The following NEXMIF variants were observed in gnomAD, a reference collection of about 807,000 sequenced individuals.
NEXMIF encodes XLMR protein related to neurite extension.
In NEXMIF, 8 loss-of-function variants were observed where a neutral mutation model predicts 62.1. The ratio of observed to expected loss-of-function variants is 0.13; its 90% CI spans 0.08 to 0.23. The LOEUF (loss-of-function observed/expected upper bound fraction) is 0.23. NEXMIF is among the 10% of genes least tolerant of loss of function. NEXMIF has a pLI of 1.00. For missense variants in NEXMIF, 976 were observed against 1,113.3 expected, an observed-to-expected ratio of 0.88 and a Z score of 1.75; for synonymous variants, 404 against 416.6, an observed-to-expected ratio of 0.97 and a Z score of 0.37.
chrX:74,855,540 C>G (rs1345046785), intron 1 of NEXMIF, among the ~76,000 whole-genome samples: 7 of 111,843 alleles, frequency 6.3e-5, no homozygotes, highest in African/African-American at 2.3e-4. Context: ...GAAAAACTCA[C>G]ATATTCCTGG....
chrX:74,823,082 A>C (rs2080402732), intron 1 of NEXMIF, among the ~76,000 whole-genome samples: 2 of 112,379 alleles, frequency 1.8e-5, no homozygotes, highest in Non-Finnish European at 3.8e-5. Context: ...GCCAACTAAA[A>C]GAAGCCAGAC....
At chrX:74,796,231 T>TATATATATATATACATATATA (rs1569345253) in intron 1 of NEXMIF, among the ~76,000 whole-genome samples, 1,202 of 53,279 alleles carry the variant, frequency 0.023, 39 homozygotes, top group Middle Eastern at 0.045. Context: ...ACATATATAA[T>TATATATATATATACATATATA]ATATATATAT....
At chrX:74,791,645 C>T (rs1180014729) in intron 1 of NEXMIF, among the ~76,000 whole-genome samples, 3 of 110,881 alleles carry the variant, frequency 2.7e-5, no homozygotes, top group Non-Finnish European at 5.7e-5. Context: ...ATTATTGCCA[C>T]AATTTCAGAT....
At chrX:74,806,447 A>T (rs2080345089) in intron 1 of NEXMIF, among the ~76,000 whole-genome samples, 1 of 111,347 alleles carries the variant, frequency 9.0e-6, no homozygotes. Context: ...AATTCAGGAA[A>T]TCTGACTACT....
chrX:74,780,999 G>T (rs1372715121), intron 1 of NEXMIF, among the ~76,000 whole-genome samples: 3 of 111,544 alleles, frequency 2.7e-5, no homozygotes, highest in Non-Finnish European at 5.7e-5. Context: ...TTACCCTAAA[G>T]GTACATAAAT....
intron 1 of NEXMIF, among the ~76,000 whole-genome samples, chrX:74,830,190 A>G (rs2080431552): frequency 8.9e-6 from 1 of 111,843 alleles, no homozygotes. Context: ...GAGGTCTAAG[A>G]TTTAAGTCTT....
chrX:74,790,941 C>G (rs987368772), intron 1 of NEXMIF, among the ~76,000 whole-genome samples: 7 of 110,679 alleles, frequency 6.3e-5, no homozygotes, highest in Non-Finnish European at 1.3e-4. Context: ...ATTTGAGTTC[C>G]TCTTTTCCTA....
rs2080223764 is a variant in NEXMIF at position 74,774,750 on chromosome X, C to T, written c.-47-29053G>A. 4.5e-5 allele frequency among the ~76,000 whole-genome samples: 5 copies of T among 111,201 alleles called. No individual in the cohort carries two copies. The Admixed American group carries it at 4.8e-4, about 11-fold the overall frequency. On this transcript the variant is annotated intron_variant, in intron 1 of 3. Coordinates refer to ENST00000055682, the MANE Select transcript of NEXMIF (RefSeq NM_001008537.3). Reference sequence around the variant, plus strand: ...GATCACTAGGGTCCAAAGGAAACAGCTTCATTTAAAGGCCAAGATACCACC... The same window carrying T: ...GATCACTAGGGTCCAAAGGAAACAGTTTCATTTAAAGGCCAAGATACCACC...
chrX:74,831,655 C>T (rs1185751700), intron 1 of NEXMIF, among the ~76,000 whole-genome samples: 7 of 110,931 alleles, frequency 6.3e-5, no homozygotes, highest in East Asian at 2.8e-4. Flanking sequence ...AATAAACATA[C>T]GTGTGCATGT....
chrX:74,801,043 C>T (rs1439033093), intron 1 of NEXMIF, among the ~76,000 whole-genome samples: 3 of 111,568 alleles, frequency 2.7e-5, no homozygotes, highest in East Asian at 2.8e-4. Context: ...TTTGCCTTTT[C>T]CAGAATGTCG....
intron 1 of NEXMIF, among the ~76,000 whole-genome samples, chrX:74,781,363 G>T (rs1188529785): frequency 8.9e-6 from 1 of 112,460 alleles, no homozygotes; most frequent in African/African-American, 3.2e-5. Context: ...CAAATGTGCA[G>T]TTGGTATGGA....
At chrX:74,807,176 G>T (rs1217698076) in intron 1 of NEXMIF, among the ~76,000 whole-genome samples, 2 of 112,151 alleles carry the variant, frequency 1.8e-5, no homozygotes, top group South Asian at 7.4e-4. Context: ...ATCCATGTAC[G>T]TGAAATATCT....
chrX:74,830,569 T>TA (rs1013083576), intron 1 of NEXMIF, among the ~76,000 whole-genome samples: 4 of 111,023 alleles, frequency 3.6e-5, no homozygotes, highest in African/African-American at 6.5e-5. Context: ...CTTTAGGTTT[T>TA]AAAAAAAAAT....
At chrX:74,790,507 G>A (rs1416428909) in intron 1 of NEXMIF, among the ~76,000 whole-genome samples, 1 of 110,756 alleles carries the variant, frequency 9.0e-6, no homozygotes, top group Non-Finnish European at 1.9e-5. Context: ...TTCCAATTCT[G>A]TGAAGAAAGT....
intron 1 of NEXMIF, among the ~76,000 whole-genome samples, chrX:74,766,903 G>C (rs1300514594): frequency 1.8e-5 from 2 of 111,873 alleles, no homozygotes; most frequent in Non-Finnish European, 3.8e-5. Context: ...TGGTCAGGCA[G>C]GGGCAGGGTG....
At chrX:74,924,213 G>C (rs918080801) in intron 1 of NEXMIF, among the ~76,000 whole-genome samples, 1 of 111,719 alleles carries the variant, frequency 9.0e-6, no homozygotes, top group Admixed American at 9.3e-5. Flanking sequence ...TGTGCTGCGG[G>C]GCGCGGCAGA....
chrX:74,924,553 C>T (rs1390855954), intron 1 of NEXMIF, among the ~76,000 whole-genome samples: 3 of 113,442 alleles, frequency 2.6e-5, no homozygotes, highest in Non-Finnish European at 5.6e-5. Context: ...AAGGAGGCGG[C>T]ACTCTGCCGA....
chrX:74,805,813 C>T (rs1325333862), intron 1 of NEXMIF, among the ~76,000 whole-genome samples: 1 of 111,755 alleles, frequency 8.9e-6, no homozygotes, highest in East Asian at 2.8e-4. Flanking sequence ...CATTTCTTGG[C>T]TCTCTATTCT....
At chrX:74,823,240 G>A (rs897509365) in intron 1 of NEXMIF, among the ~76,000 whole-genome samples, 9 of 111,753 alleles carry the variant, frequency 8.1e-5, no homozygotes, top group Non-Finnish European at 1.3e-4. Context: ...TTTTATCGAG[G>A]ACAAAAATAT....
Sources: allele counts gnomAD v4.1 joint callset (sites outside exome capture counted in the v4.1 genomes callset), GRCh38; gene constraint gnomAD v4.1.1; transcripts MANE v1.5; gene names NCBI Gene and HGNC (gene_info 2026-07-23, HGNC 2026-07-21).